C4orf50: variants seen among roughly 807,000 people sequenced by gnomAD.
C4orf50 encodes chromosome 4 open reading frame 50, also known as uncharacterized protein C4orf50.
Under a neutral mutation model 77.2 loss-of-function variants are expected in C4orf50, and 80 were observed. That is an observed-to-expected ratio of 1.04 (90% CI 0.87 to 1.25). The LOEUF is 1.25. Ranked by LOEUF, C4orf50 falls within the 50% of genes most tolerant of loss-of-function variation. The probability of loss-of-function intolerance (pLI) is 0.00; values close to 1 mark genes in which losing one functional copy is unlikely to be tolerated. For missense variants in C4orf50, 1,257 were observed against 1,152.9 expected (o/e 1.09, Z -1.31); for synonymous variants, 532 against 465.3 (o/e 1.14, Z -1.84).
intron 7 of C4orf50, among the ~76,000 whole-genome samples, chr4:5,949,514 T>C (rs866595039): frequency 1.6e-4 from 25 of 152,044 alleles, no homozygotes; most frequent in Admixed American, 6.5e-4. Flanking sequence ...AGACAGAAAG[T>C]GGATTGGTGG....
chr4:5,967,004 G>A (rs900473222), intron 32 of C4orf50, among the ~76,000 whole-genome samples: 1 of 152,164 alleles, frequency 6.6e-6, no homozygotes, highest in African/African-American at 2.4e-5. Context: ...CTGTTGCATG[G>A]TGTTTCTCAG....
rs771367913 is a variant in C4orf50 at position 6,000,023 on chromosome 4, G to C, written c.964-5547C>G. 6.6e-6 allele frequency among the ~76,000 whole-genome samples: 1 copy of C among 152,090 alleles called. No homozygotes were observed. The highest frequency in any genetic ancestry group is 6.5e-5 in the Admixed American group (1 of 15,272). Reference sequence around the variant, plus strand: ...GGGGCCTTGAATGCCGTGGATAGGAGGTTGAACTTGATCCTGAGGCCGTGG... The same window carrying C: ...GGGGCCTTGAATGCCGTGGATAGGACGTTGAACTTGATCCTGAGGCCGTGG... On this transcript the variant is annotated intron_variant, in intron 25 of 33. Transcript: ENST00000531445. The surrounding 1 kb of genome is among the most constrained non-coding windows in gnomAD (Gnocchi z 6.0).
At chr4:5,902,801 G>C (rs1716398169) in intron 7 of C4orf50, 1 of 152,124 alleles carries the variant, frequency 6.6e-6, no homozygotes, top group African/African-American at 2.4e-5. Context: ...TGCAATAGAA[G>C]GTTCCATTTC....
chr4:5,898,032 G>A lies in C4orf50; in HGVS notation c.*2631C>T, dbSNP rs187787931. 3 of 152,350 alleles carry A rather than the reference G, an allele frequency of 2.0e-5. No homozygotes were observed. The East Asian group carries it at 5.8e-4, about 29-fold the overall frequency. 9.4% of individuals were successfully genotyped at this position (152,350 alleles called of 1,614,324 possible). ...CGCATAGGAGACCTTGTAGATTCAT[G>A]CAACCGCAAGGTGTACAGTTATTGT... On this transcript the variant is annotated 3_prime_UTR_variant, in exon 8 of 8. Coordinates refer to the C4orf50 transcript ENST00000324058.
intron 25 of C4orf50, among the ~76,000 whole-genome samples, chr4:6,004,681 G>A (rs60434984): frequency 0.98 from 131,594 of 133,660 alleles, 64,764 homozygotes; most frequent in South Asian, 0.99. Context: ...GATGTTGATG[G>A]TGGTGGTGAT....
intron 7 of C4orf50, among the ~76,000 whole-genome samples, chr4:5,934,106 C>A (rs1189762179): frequency 6.6e-6 from 1 of 151,956 alleles, no homozygotes; most frequent in African/African-American, 2.4e-5. Context: ...CAGCCCCTGG[C>A]AATTCACTTC....
chr4:6,004,838 A>ATGGTGATGGTGATCG (rs1553920373), intron 25 of C4orf50, among the ~76,000 whole-genome samples: 122 of 150,286 alleles, frequency 8.1e-4, no homozygotes, highest in Admixed American at 3.6e-3. Context: ...TGATGATGTG[A>ATGGTGATGGTGATCG]TGGTGATGGT....
rs1222152940 is a variant in C4orf50 at position 5,994,488 on chromosome 4, C to CAG, written c.964-14_964-13dup. 1 of 398,880 alleles carries CAG rather than the reference C, an allele frequency of 2.5e-6. No homozygotes were observed. Among genetic ancestry groups the CAG allele is most frequent in the East Asian group, 3.6e-5 (1 of 28,070 alleles). 24.7% of individuals were successfully genotyped at this position (398,880 alleles called of 1,614,324 possible). On this transcript the variant is annotated splice_polypyrimidine_tract_variant and intron_variant, in intron 25 of 33. Transcript: ENST00000531445. ...CAGCCCAGAGCATCCTGGAGGAAGA[C>CAG]AGAGGAAGTCAGGAGCCGTCAGTGT...
exon 28 of C4orf50, chr4:5,990,028 G>T (rs1721167187): frequency 2.2e-6 from 3 of 1,361,996 alleles, no homozygotes; most frequent in Non-Finnish European, 2.8e-6. Context: ...ATGAGCCCTG[G>T]AGAAGGTGGC....
At chr4:5,934,196 A>T (rs1717905264) in intron 7 of C4orf50, among the ~76,000 whole-genome samples, 2 of 151,996 alleles carry the variant, frequency 1.3e-5, no homozygotes, top group Admixed American at 6.5e-5. Context: ...AGACGGCTGC[A>T]TGGTAAGGCG....
In C4orf50 at chr4:5,973,651, G is replaced by A. The variant is rs4516655; in HGVS notation, c.4104+8C>T. The A allele has an allele frequency of 0.11, 171,718 of 1,605,886 alleles. 10,201 individuals are homozygous for A. The highest frequency in any genetic ancestry group is 0.18 in the African/African-American group (13,578 of 74,886). On this transcript the variant is annotated splice_region_variant and intron_variant, in intron 31 of 33. Coordinates refer to ENST00000531445, the Ensembl canonical transcript of C4orf50. ...GAAGCACAGACAGGGCCATCTCTGG[G>A]ACTCTACCTCTGGGACTCCCGGAGC...
intron 7 of C4orf50, among the ~76,000 whole-genome samples, chr4:5,940,299 T>A (rs997455891): frequency 6.6e-6 from 1 of 152,248 alleles, no homozygotes; most frequent in Non-Finnish European, 1.5e-5. Flanking sequence ...ACACACTTGA[T>A]AGAAATCTTC....
rs1720513873 is a variant in C4orf50, at chr4:5,980,357, T to A, written c.3700-19A>T. ...CCCGGAGCTGCGGAAATCACAGATTTGAATGAAATGTTTAGGTTATCCTTC... is the reference window on the plus strand; with the variant it reads ...CCCGGAGCTGCGGAAATCACAGATTAGAATGAAATGTTTAGGTTATCCTTC... On this transcript the variant is annotated intron_variant, in intron 28 of 33. Coordinates refer to ENST00000531445, the Ensembl canonical transcript of C4orf50. 6.2e-7 allele frequency: 1 copy of A among 1,606,738 alleles called. No individual in the cohort carries two copies. Among genetic ancestry groups the A allele is most frequent in the South Asian group, 1.1e-5 (1 of 89,550 alleles).
Position 6,017,834 on chromosome 4 carries a change from C to T in C4orf50, c.287+311G>A, listed in dbSNP as rs1377519468. On this transcript the variant is annotated intron_variant, in intron 23 of 33. Transcript: ENST00000531445. This position sits in a 1 kb window ranked among gnomAD's most constrained non-coding sequence, Gnocchi z 4.7. Reference sequence around the variant, plus strand: ...TTGAACATAGGGCCCTTTCATGGAACAGTCACCCAGAGAAGAAGAGAGGGA... The same window carrying T: ...TTGAACATAGGGCCCTTTCATGGAATAGTCACCCAGAGAAGAAGAGAGGGA... 6.6e-6 allele frequency among the ~76,000 whole-genome samples: 1 copy of T among 152,206 alleles called. No homozygotes were observed. The highest frequency in any genetic ancestry group is 1.5e-5 in the Non-Finnish European group (1 of 68,032).
intron 7 of C4orf50, among the ~76,000 whole-genome samples, chr4:5,944,426 G>A (rs1560555201): frequency 6.6e-6 from 1 of 152,180 alleles, no homozygotes; most frequent in South Asian, 2.1e-4. Flanking sequence ...GCACCTTGGA[G>A]ACACTAGGTG....
At chr4:5,922,338 T>C (rs540813217) in intron 7 of C4orf50, among the ~76,000 whole-genome samples, 90 of 152,342 alleles carry the variant, frequency 5.9e-4, no homozygotes, top group African/African-American at 2.0e-3. Flanking sequence ...CTTAAGTCCG[T>C]GTTTCCTACA....
intron 7 of C4orf50, among the ~76,000 whole-genome samples, chr4:5,917,419 T>TC (rs1219856064): frequency 1.8e-4 from 25 of 141,392 alleles, no homozygotes; most frequent in African/African-American, 6.2e-4. Flanking sequence ...TTTTTTTTTT[T>TC]TTTTTTTTTT....
At chr4:5,959,396 T>A (rs771941555) in exon 34 of C4orf50, 1 of 1,613,966 alleles carries the variant, frequency 6.2e-7, no homozygotes, top group Non-Finnish European at 8.5e-7. Context: ...ACTCCAGCGG[T>A]GATTTATGGA....
chr4:5,971,250 G>A (rs1356585413), intron 31 of C4orf50, among the ~76,000 whole-genome samples: 1 of 152,216 alleles, frequency 6.6e-6, no homozygotes, highest in Non-Finnish European at 1.5e-5. Flanking sequence ...TGTGTCCTCT[G>A]AATTGACTGC....
Sources: gnomAD v4.1 joint callset for allele counts (sites outside exome capture counted in the v4.1 genomes callset) on GRCh38, gnomAD v4.1.1 for gene constraint, Gnocchi (gnomAD v3.1) non-coding constraint, MANE v1.5 for transcripts, NCBI Gene and HGNC (gene_info 2026-07-23, HGNC 2026-07-21) for gene names.